SCN9A: variants seen among roughly 807,000 people sequenced by gnomAD.
The protein encoded by SCN9A is sodium channel protein type 9 subunit alpha.
SCN9A carries 131 observed loss-of-function variants against 187.0 expected under a neutral mutation model. The ratio of observed to expected loss-of-function variants is 0.70; its 90% confidence interval spans 0.61 to 0.81. SCN9A has a LOEUF of 0.81. Among genes scored for constraint, SCN9A ranks in the 30% least tolerant of loss-of-function variants. SCN9A has a pLI of 0.00. For missense variants in SCN9A, 2,252 were observed against 2,396.6 expected, an observed-to-expected ratio of 0.94 and a Z score of 1.26; for synonymous variants, 809 against 808.6, an observed-to-expected ratio of 1.00 and a Z score of -0.01.
At position 166,220,146 on chromosome 2, in the gene SCN9A, AT is replaced by A. The variant is rs1694519908; in HGVS notation, c.4398+6420del. Reference sequence around the variant, plus strand: ...GCAGACCAATAATGTGATACACCACATGATCTGAGAAGGATAAAAATCACAT... The same window carrying A: ...GCAGACCAATAATGTGATACACCACAGATCTGAGAAGGATAAAAATCACAT... On this transcript the variant is annotated intron_variant, in intron 24 of 26. Coordinates refer to ENST00000642356, the MANE Select transcript of SCN9A (RefSeq NM_001365536.1). 2.6e-5 allele frequency among the ~76,000 whole-genome samples: 4 copies of A among 152,216 alleles called. No individual in the cohort carries two copies. In the South Asian group the frequency reaches 8.3e-4, roughly 31 times the overall value.
chr2:166,256,158 C>T (rs898888576), intron 17 of SCN9A, among the ~76,000 whole-genome samples: 1 of 151,122 alleles, frequency 6.6e-6, no homozygotes, highest in Non-Finnish European at 1.5e-5. Context: ...TTCTCTCTTG[C>T]AATCATTCAG....
intron 20 of SCN9A, among the ~76,000 whole-genome samples, chr2:166,235,692 C>T (rs1054858276): frequency 1.3e-5 from 2 of 150,178 alleles, no homozygotes; most frequent in Non-Finnish European, 2.9e-5. Context: ...AAAAAAAAAT[C>T]AGCCACTCCC....
intron 1 of SCN9A, among the ~76,000 whole-genome samples, chr2:166,374,238 C>T (rs2105335128): frequency 6.6e-6 from 1 of 152,300 alleles, no homozygotes; most frequent in East Asian, 1.9e-4. Flanking sequence ...ACTGTAAAAA[C>T]ACATCACTGA....
chr2:166,250,437 CT>C (rs1695984921), intron 18 of SCN9A, among the ~76,000 whole-genome samples: 1 of 152,070 alleles, frequency 6.6e-6, no homozygotes, highest in African/African-American at 2.4e-5. Flanking sequence ...GATGTGGATG[CT>C]GATATCCCCA....
chr2:166,253,232 G>A (rs1228458577), intron 17 of SCN9A, among the ~76,000 whole-genome samples: 1 of 151,792 alleles, frequency 6.6e-6, no homozygotes, highest in Non-Finnish European at 1.5e-5. Context: ...AAGGAATGAT[G>A]TAAGCAGACA....
In SCN9A at chr2:166,295,125, A is replaced by G. The variant is rs149776665; in HGVS notation, c.902-463T>C. 2.9e-3 allele frequency among the ~76,000 whole-genome samples: 439 copies of G among 152,244 alleles called. 3 individuals carry two copies. Among genetic ancestry groups the G allele is most frequent in the African/African-American group, 0.01 (417 of 41,538 alleles). ...GACAGCCATGAAAATACTGGTGAAG[A>G]GATATTTGGGCTGGGGGAAGAGAAA... On this transcript the variant is annotated intron_variant, in intron 7 of 26. Transcript: ENST00000642356.
In SCN9A at chr2:166,228,966, C is replaced by T. The variant is rs752362481; in HGVS notation, c.3931G>A (p.Val1311Met). ...GGAATTGCTCCTATGAGTGCATTCA[C>T]AACGACCTAGTATTCAAAAGAAAGA... ...LSRFEGMRVV[V>M]NALIGAIPSI... is the part of the protein sequence containing the mutation. Residue 1311 changes from valine to methionine, a missense_variant, in exon 22 of 27, where the codon GTG (valine) becomes ATG (methionine). Val to Met is a conservative substitution (Grantham distance 21, BLOSUM62 1). Coordinates refer to ENST00000642356, the MANE Select transcript of SCN9A (RefSeq NM_001365536.1). 6.2e-7 allele frequency: 1 copy of T among 1,611,224 alleles called. No individual in the cohort carries two copies. The highest frequency in any genetic ancestry group is 1.1e-5 in the South Asian group (1 of 90,834).
intron 24 of SCN9A, among the ~76,000 whole-genome samples, chr2:166,206,056 A>G (rs1693788517): frequency 6.6e-6 from 1 of 152,204 alleles, no homozygotes; most frequent in African/African-American, 2.4e-5. Flanking sequence ...ACGCTTTTAC[A>G]CTGTTGGTGA....
rs763654041 is a variant in SCN9A, at chr2:166,280,440, T to C, written c.2260A>G (p.Ile754Val). Reference sequence around the variant, plus strand: ...GCCATAAATAATGTGTTTAAAACTATGCAAATGGTAATTGCAAGATCTACA... The same window carrying C: ...GCCATAAATAATGTGTTTAAAACTACGCAAATGGTAATTGCAAGATCTACA... ...PFVDLAITIC[I>V]VLNTLFMAME... The change falls in exon 14 of 27, where the codon ATA becomes GTA. Residue 754 changes from isoleucine (I) to valine (V), a missense_variant. By Grantham distance (29) the Ile-to-Val change is conservative. Around this residue, in one of 7 missense-constraint regions of SCN9A, gnomAD observed 1,013 missense variants for 997.4 expected, o/e 1.02. Coordinates refer to ENST00000642356, the MANE Select transcript of SCN9A (RefSeq NM_001365536.1). The C allele has an allele frequency of 1.3e-6, 2 of 1,591,562 alleles. No individual in the cohort carries two copies.
At chr2:166,236,314 T>C (rs1397006097) in intron 20 of SCN9A, among the ~76,000 whole-genome samples, 2 of 152,160 alleles carry the variant, frequency 1.3e-5, no homozygotes. Flanking sequence ...AGATAACACA[T>C]ATAAGGTGTA....
Position 166,196,269 on chromosome 2 carries a change from T to G in SCN9A, c.*2403A>C, listed in dbSNP as rs949550745. The G allele has an allele frequency of 5.9e-5, 9 of 152,128 alleles. No individual in the cohort carries two copies. Among genetic ancestry groups the G allele is most frequent in the Non-Finnish European group, 1.3e-4 (9 of 68,018 alleles). 9.4% of individuals were successfully genotyped at this position (152,128 alleles called of 1,614,324 possible). ...TCAAGCTTATACTTAATAAGCTCTTTCTTCCAAATATTATTTTTAATTGAT... is the reference window on the plus strand; with the variant it reads ...TCAAGCTTATACTTAATAAGCTCTTGCTTCCAAATATTATTTTTAATTGAT... On this transcript the variant is annotated 3_prime_UTR_variant, in exon 27 of 27. Coordinates refer to ENST00000642356, the MANE Select transcript of SCN9A (RefSeq NM_001365536.1).
intron 1 of SCN9A, among the ~76,000 whole-genome samples, chr2:166,316,067 C>T (rs190625704): frequency 3.9e-5 from 6 of 151,988 alleles, no homozygotes; most frequent in Admixed American, 2.6e-4. Flanking sequence ...GATTTAATCT[C>T]ATAACAATGA....
intron 2 of SCN9A, among the ~76,000 whole-genome samples, chr2:166,309,536 C>T (rs1698872678): frequency 6.6e-6 from 1 of 152,088 alleles, no homozygotes; most frequent in Admixed American, 6.5e-5. Flanking sequence ...AGGAATCCAA[C>T]TTACAAGGGA....
chr2:166,340,754 A>G (rs528795367), intron 1 of SCN9A, among the ~76,000 whole-genome samples: 1 of 151,478 alleles, frequency 6.6e-6, no homozygotes, highest in Non-Finnish European at 1.5e-5. Context: ...TCAAGTAGCT[A>G]GGACTGCAGG....
chr2:166,241,770 TCTC>T (rs1407640501), intron 19 of SCN9A, among the ~76,000 whole-genome samples: 1 of 152,150 alleles, frequency 6.6e-6, no homozygotes, highest in Non-Finnish European at 1.5e-5. Context: ...TTTGTATTCT[TCTC>T]TTCTCCATTG....
At position 166,287,833 on chromosome 2, in the gene SCN9A, C is replaced by T. The variant is rs1019491612; in HGVS notation, c.1314+604G>A. On this transcript the variant is annotated intron_variant, in intron 10 of 26. Coordinates refer to ENST00000642356, the MANE Select transcript of SCN9A (RefSeq NM_001365536.1). ...CTTGTGACATTAACAAAACATGATG[C>T]ACTGTTTTAGTCATACCCCATAGAA... 4.0e-5 allele frequency among the ~76,000 whole-genome samples: 6 copies of T among 151,646 alleles called. No homozygotes were observed. In the South Asian group the frequency reaches 1.2e-3, roughly 32 times the overall value.
At chr2:166,301,643 T>C (rs575419975) in intron 7 of SCN9A, 1 of 151,006 alleles carries the variant, frequency 6.6e-6, no homozygotes, top group African/African-American at 2.5e-5. Flanking sequence ...AGACTCAGAA[T>C]AAAAGGACAG....
intron 9 of SCN9A, among the ~76,000 whole-genome samples, chr2:166,289,200 A>AT (rs112721450): frequency 0.043 from 6,464 of 149,808 alleles, 421 homozygotes; most frequent in African/African-American, 0.14. Context: ...AGGTACAGAG[A>AT]TTTTTTTTTC....
intron 1 of SCN9A, among the ~76,000 whole-genome samples, chr2:166,364,272 G>C (rs1295482111): frequency 6.6e-6 from 1 of 151,958 alleles, no homozygotes; most frequent in Non-Finnish European, 1.5e-5. Flanking sequence ...ACACTGTGGT[G>C]GTTCCTCAAA....
Sources: gnomAD v4.1 joint callset for allele counts (sites outside exome capture counted in the v4.1 genomes callset) on GRCh38, gnomAD v4.1.1 for gene constraint, gnomAD v4.1.1 regional missense constraint, MANE v1.5 for transcripts, NCBI Gene and HGNC (gene_info 2026-07-23, HGNC 2026-07-21) for gene names.